The following NT5DC3 variants were observed in gnomAD, a reference collection of about 807,000 sequenced individuals.
The protein encoded by NT5DC3 is 5'-nucleotidase domain containing 3, also known as 5'-nucleotidase domain-containing protein 3.
NT5DC3 carries 42 observed loss-of-function variants against 67.8 expected under a neutral mutation model. The ratio of observed to expected loss-of-function variants is 0.62; its 90% CI spans 0.48 to 0.80. NT5DC3 has a LOEUF of 0.80. Ranked by LOEUF, NT5DC3 falls within the 30% of genes least tolerant of loss-of-function variation. The pLI, the probability that NT5DC3 is intolerant of heterozygous loss-of-function variation, is 0.00. For missense variants in NT5DC3, 570 were observed against 696.4 expected (o/e 0.82, Z 2.04); for synonymous variants, 237 against 255.6 (o/e 0.93, Z 0.69).
At chr12:103,789,122 GA>G (rs574746413) in intron 9 of NT5DC3, 24 of 518,792 alleles carry the variant, frequency 4.6e-5, no homozygotes, top group South Asian at 1.2e-4. Context: ...GGTGTTCCAC[GA>G]AAAAAAAGAA....
At chr12:103,794,691 C>T (rs939168723) in intron 6 of NT5DC3, among the ~76,000 whole-genome samples, 1 of 152,220 alleles carries the variant, frequency 6.6e-6, no homozygotes, top group African/African-American at 2.4e-5. Flanking sequence ...TGTCCCTAGA[C>T]CCCAACGGCA....
At chr12:103,822,155 C>A in intron 1 of NT5DC3, 2 of 151,382 alleles carry the variant, frequency 1.3e-5, no homozygotes, top group African/African-American at 4.8e-5. Context: ...TTTATTTCAT[C>A]TCTGAATAAA....
intron 2 of NT5DC3, 67 bp from the exon 3 acceptor site, chr12:103,806,996 G>A: frequency 1.1e-6 from 1 of 941,084 alleles, no homozygotes; most frequent in Non-Finnish European, 1.7e-6. Context: ...GTCCAGATCT[G>A]GCCCTTGTAC....
At chr12:103,788,954 G>T in intron 9 of NT5DC3, 35 bp from the exon 10 acceptor site, 1 of 1,334,252 alleles carries the variant, frequency 7.5e-7, no homozygotes, top group Non-Finnish European at 1.1e-6. Flanking sequence ...ATGACATGGA[G>T]TAGTACAGGC....
intron 12 of NT5DC3, among the ~76,000 whole-genome samples, chr12:103,784,691 G>A (rs1164608886): frequency 1.3e-5 from 2 of 152,202 alleles, no homozygotes; most frequent in African/African-American, 4.8e-5. Flanking sequence ...AGGGGCACAT[G>A]GAGAATTAAG....
At position 103,797,085 on chromosome 12, in the gene NT5DC3, G is replaced by A. The variant is rs981093737; in HGVS notation, c.616-54C>T. ...GAAACAGGGGCCCACGCAAGGGACA[G>A]AGCCACGAAGCACCAGGAACAGCAG... is the stretch of plus-strand genomic sequence containing the variant. On this transcript the variant is annotated intron_variant, in intron 5 of 13. Transcript: ENST00000392876. 5.6e-6 allele frequency: 9 copies of A among 1,598,466 alleles called. No homozygotes were observed. The Admixed American group carries it at 6.7e-5, about 12-fold the overall frequency.
At chr12:103,831,382 C>T (rs1339836740) in intron 1 of NT5DC3, among the ~76,000 whole-genome samples, 2 of 152,178 alleles carry the variant, frequency 1.3e-5, no homozygotes, top group Non-Finnish European at 2.9e-5. Flanking sequence ...TTATAAATTA[C>T]CCAGTCTCCG....
In NT5DC3 at chr12:103,775,148, G is replaced by C. The variant is rs577472748; in HGVS notation, c.*2681C>G. 3 of 152,168 alleles carry C rather than the reference G, an allele frequency of 2.0e-5. No individual in the cohort carries two copies. The highest frequency in any genetic ancestry group is 2.9e-5 in the Non-Finnish European group (2 of 68,046). The allele number at this position is 152,168 out of a possible 1,614,324, so 9.4% of individuals were successfully genotyped here. ...CTGTGTTCGGCCCCGTTACCGCCAC[G>C]ACATGGGTCTACAGTCTGCAAGGTA... On this transcript the variant is annotated 3_prime_UTR_variant, in exon 14 of 14. Transcript: ENST00000392876.
downstream of NT5DC3, chr12:103,766,170 A>AT: frequency 7.4e-7 from 1 of 1,357,016 alleles, no homozygotes; most frequent in Non-Finnish European, 1.1e-6. Flanking sequence ...CGCCCAGCAC[A>AT]TACGTGTTCA....
chr12:103,761,255 C>T, the NT5DC3 span: 1 of 1,573,726 alleles, frequency 6.4e-7, no homozygotes, highest in East Asian at 2.2e-5. Context: ...GGAGGGCTGC[C>T]CACTCGGAGA....
intron 4 of NT5DC3, among the ~76,000 whole-genome samples, chr12:103,798,990 C>G (rs1886443143): frequency 6.6e-6 from 1 of 152,134 alleles, no homozygotes; most frequent in Non-Finnish European, 1.5e-5. Flanking sequence ...CACCATTATT[C>G]TTCCCATTTC....
At chr12:103,801,689 AT>A (rs542067363) in intron 4 of NT5DC3, among the ~76,000 whole-genome samples, 1 of 151,900 alleles carries the variant, frequency 6.6e-6, no homozygotes, top group South Asian at 2.1e-4. Flanking sequence ...ACAGGCTGGC[AT>A]TTTTTTTAAA....
chr12:103,837,596 C>T (rs1209397441), intron 1 of NT5DC3, among the ~76,000 whole-genome samples: 4 of 152,236 alleles, frequency 2.6e-5, no homozygotes, highest in African/African-American at 9.6e-5. Context: ...CCTAAATCAT[C>T]TCTCTCAAGT....
intron 9 of NT5DC3, among the ~76,000 whole-genome samples, chr12:103,792,479 T>C (rs534379049): frequency 6.6e-6 from 1 of 152,290 alleles, no homozygotes; most frequent in East Asian, 1.9e-4. Flanking sequence ...ATACAAGTAA[T>C]TTTTTTAGAA....
intron 4 of NT5DC3, among the ~76,000 whole-genome samples, chr12:103,799,688 AC>A (rs1289862400): frequency 1.3e-5 from 2 of 152,006 alleles, no homozygotes; most frequent in African/African-American, 4.8e-5. Flanking sequence ...GCCCTGTGGC[AC>A]CACCACCTTG....
the NT5DC3 span, chr12:103,761,341 G>A: frequency 6.2e-7 from 1 of 1,614,018 alleles, no homozygotes; most frequent in South Asian, 1.1e-5. Context: ...TTCTGCAGTG[G>A]GACATCTTTG....
rs969045270 is a variant in NT5DC3, at chr12:103,801,540, G to A, written c.525-2863C>T. 5.9e-5 allele frequency among the ~76,000 whole-genome samples: 9 copies of A among 151,618 alleles called. No individual in the cohort carries two copies. The South Asian group carries it at 6.2e-4, about 11-fold the overall frequency. On this transcript the variant is annotated intron_variant, in intron 4 of 13. Transcript: ENST00000392876. ...TGGGACTACAGGCACCCACCACCAC[G>A]CCCGGCTAATTTTTGCATTTTTAGG...
At position 103,773,467 on chromosome 12, in the gene NT5DC3, G is replaced by A. The variant is rs1169971862; in HGVS notation, c.*4362C>T. 1 of 152,114 alleles carries A rather than the reference G, an allele frequency of 6.6e-6. No individual in the cohort carries two copies. Among genetic ancestry groups the A allele is most frequent in the Non-Finnish European group, 1.5e-5 (1 of 68,002 alleles). 9.4% of individuals were successfully genotyped at this position (152,114 alleles called of 1,614,324 possible). On this transcript the variant is annotated 3_prime_UTR_variant, in exon 14 of 14. Coordinates refer to ENST00000392876, the MANE Select transcript of NT5DC3 (RefSeq NM_001031701.3). ...GCTAAGCTCCTAAATGACACTAGTA[G>A]TGTCAAAGATTACTGTTACTAAATG...
At chr12:103,829,933 G>A (rs532677706) in intron 1 of NT5DC3, among the ~76,000 whole-genome samples, 3 of 151,558 alleles carry the variant, frequency 2.0e-5, no homozygotes, top group Non-Finnish European at 4.4e-5. Flanking sequence ...GATTGAGCTA[G>A]ATATACAATT....
Sources: gnomAD v4.1 joint callset for allele counts (sites outside exome capture counted in the v4.1 genomes callset) on GRCh38, gnomAD v4.1.1 for gene constraint, MANE v1.5 for transcripts, NCBI Gene and HGNC (gene_info 2026-07-23, HGNC 2026-07-21) for gene names.